Variants in TSPEAR observed in about 807,000 individuals in gnomAD.
TSPEAR encodes the protein thrombospondin-type laminin G domain and EAR repeat-containing protein.
Under a neutral mutation model 71.6 loss-of-function variants are expected in TSPEAR, and 69 were observed. That is an observed-to-expected ratio of 0.96 (90% CI 0.79 to 1.18). The LOEUF (loss-of-function observed/expected upper bound fraction) is 1.18. Ranked by LOEUF, TSPEAR falls within the 50% of genes most tolerant of loss-of-function variation. The pLI is 0.00. For missense variants in TSPEAR, 971 were observed against 894.9 expected, an observed-to-expected ratio of 1.09 and a Z score of -1.09; for synonymous variants, 402 against 387.2, an observed-to-expected ratio of 1.04 and a Z score of -0.45.
chr21:44,646,419 CACTT>C (rs782235135), intron 1 of TSPEAR: 8 of 1,578,876 alleles, frequency 5.1e-6, no homozygotes, highest in South Asian at 3.6e-5. Flanking sequence ...CTCACACACT[CACTT>C]ACACCTCCCC....
intron 1 of TSPEAR, among the ~76,000 whole-genome samples, chr21:44,571,369 C>T (rs2053793815): frequency 6.6e-6 from 1 of 152,178 alleles, no homozygotes; most frequent in East Asian, 1.9e-4. Flanking sequence ...ACATTTCAGA[C>T]CAGATAACAC....
At chr21:44,697,800 G>T (rs377024369) in intron 1 of TSPEAR, 4 of 1,613,270 alleles carry the variant, frequency 2.5e-6, no homozygotes, top group Middle Eastern at 1.7e-4. Flanking sequence ...CTCCTCTGCC[G>T]CCCTGTGTGC....
rs587670215 is a variant in TSPEAR, at chr21:44,587,826, A to G, written c.83-19821T>C. ...CTGGGATAATTGGCAAGCCACATAT[A>G]GGAGAATGAAACTGGATCCTCATCT... On this transcript the variant is annotated intron_variant, in intron 1 of 11. Transcript: ENST00000323084. 2.0e-4 allele frequency among the ~76,000 whole-genome samples: 30 copies of G among 152,378 alleles called. No individual in the cohort carries two copies. The South Asian group carries it at 2.9e-3, about 15-fold the overall frequency.
chr21:44,540,066 G>A, intron 2 of TSPEAR: 2 of 1,613,422 alleles, frequency 1.2e-6, no homozygotes, highest in Non-Finnish European at 8.5e-7. Flanking sequence ...CAGCAGTGGG[G>A]CTCACAGCAG....
chr21:44,636,816 T>C (rs1555936768), intron 1 of TSPEAR, among the ~76,000 whole-genome samples: 2 of 152,212 alleles, frequency 1.3e-5, no homozygotes, highest in African/African-American at 4.8e-5. Context: ...ATGAGCTGAC[T>C]GTCCAGAGGC....
intron 1 of TSPEAR, among the ~76,000 whole-genome samples, chr21:44,598,644 C>G (rs1980532388): frequency 6.6e-6 from 1 of 152,188 alleles, no homozygotes; most frequent in African/African-American, 2.4e-5. Context: ...AATGCTGAAA[C>G]CTTAGAAAAC....
intron 1 of TSPEAR, among the ~76,000 whole-genome samples, chr21:44,630,075 C>T (rs1983170166): frequency 6.6e-6 from 1 of 152,168 alleles, no homozygotes; most frequent in Admixed American, 6.5e-5. Flanking sequence ...GTGATAGAAA[C>T]CAACTCAGGA....
At chr21:44,595,922 G>A (rs1555927565) in intron 1 of TSPEAR, among the ~76,000 whole-genome samples, 1 of 152,126 alleles carries the variant, frequency 6.6e-6, no homozygotes, top group African/African-American at 2.4e-5. Flanking sequence ...ATTCCATGTG[G>A]TCTGTGTGTT....
chr21:44,626,058 T>C (rs1982755398), intron 1 of TSPEAR, among the ~76,000 whole-genome samples: 1 of 152,240 alleles, frequency 6.6e-6, no homozygotes, highest in African/African-American at 2.4e-5. Flanking sequence ...ATTTTTAGAA[T>C]GAGAGGCCGT....
At chr21:44,692,703 T>G (rs1858414967) in intron 1 of TSPEAR, among the ~76,000 whole-genome samples, 1 of 152,072 alleles carries the variant, frequency 6.6e-6, no homozygotes, top group African/African-American at 2.4e-5. Flanking sequence ...GCTGAAAGAA[T>G]TAAAGAAGAC....
chr21:44,560,569 A>G (rs2053617539), intron 2 of TSPEAR, among the ~76,000 whole-genome samples: 1 of 152,232 alleles, frequency 6.6e-6, no homozygotes, highest in African/African-American at 2.4e-5. Flanking sequence ...TCTAAAATTG[A>G]CTTTATAATT....
At position 44,612,437 on chromosome 21, in the gene TSPEAR, C is replaced by A. The variant is rs782488882; in HGVS notation, c.83-44432G>T. The stretch of plus-strand genomic sequence containing the variant: ...CCAGCCGGCTTGCTGCACCTCCTCC[C>A]CCTGCCAACAGGCCTGCTGTGTGCC... On this transcript the variant is annotated intron_variant, in intron 1 of 11. Coordinates refer to ENST00000323084, the MANE Select transcript of TSPEAR (RefSeq NM_144991.3). This position sits in a 1 kb window ranked among gnomAD's most constrained non-coding sequence, Gnocchi z 4.1. 2 of 1,611,814 alleles carry A rather than the reference C, an allele frequency of 1.2e-6. No individual in the cohort carries two copies. Among genetic ancestry groups the A allele is most frequent in the South Asian group, 2.2e-5 (2 of 90,970 alleles).
rs895140576 is a variant in TSPEAR, at chr21:44,506,332, G to A, written c.1755-1451C>T. Among the ~76,000 whole-genome samples the A allele has an allele frequency of 6.6e-6, 1 of 152,264 alleles. No individual in the cohort carries two copies. The highest frequency in any genetic ancestry group is 1.5e-5 in the Non-Finnish European group (1 of 68,044). ...ATCTCAAGATGAGGAAATGGAGGTCGAAGCCATGCACACGCAGGCGTCCTG... is the reference window on the plus strand; with the variant it reads ...ATCTCAAGATGAGGAAATGGAGGTCAAAGCCATGCACACGCAGGCGTCCTG... On this transcript the variant is annotated intron_variant, in intron 10 of 11. Transcript: ENST00000323084. This position sits in a 1 kb window ranked among gnomAD's most constrained non-coding sequence, Gnocchi z 4.2.
intron 1 of TSPEAR, among the ~76,000 whole-genome samples, chr21:44,652,046 C>T (rs1245926856): frequency 2.0e-5 from 3 of 147,086 alleles, no homozygotes; most frequent in East Asian, 4.0e-4. Context: ...TGCAGTGGCG[C>T]GATCTCGGCT....
At chr21:44,574,544 C>T in intron 1 of TSPEAR, 2 of 1,609,386 alleles carry the variant, frequency 1.2e-6, no homozygotes, top group Non-Finnish European at 1.7e-6. Context: ...CTTGCTGCAC[C>T]TCCTCTCCCT....
chr21:44,692,618 C>G (rs1987166622), intron 1 of TSPEAR, among the ~76,000 whole-genome samples: 1 of 151,964 alleles, frequency 6.6e-6, no homozygotes, highest in Admixed American at 6.5e-5. Context: ...CAATGGCATC[C>G]AAAAGAATAA....
chr21:44,548,516 G>A (rs1336607262), intron 2 of TSPEAR, among the ~76,000 whole-genome samples: 1 of 152,232 alleles, frequency 6.6e-6, no homozygotes, highest in African/African-American at 2.4e-5. Flanking sequence ...CCAGGACAGT[G>A]TGGGACCACG....
chr21:44,646,427 C>CGT (rs782007004), intron 1 of TSPEAR: 2 of 1,581,352 alleles, frequency 1.3e-6, no homozygotes, highest in African/African-American at 2.7e-5. Context: ...CTCACTTACA[C>CGT]CTCCCCCAGC....
At chr21:44,606,777 A>G (rs368500613) in intron 1 of TSPEAR, among the ~76,000 whole-genome samples, 1 of 152,216 alleles carries the variant, frequency 6.6e-6, no homozygotes, top group East Asian at 1.9e-4. Flanking sequence ...GCACAGAAAG[A>G]CAAATGGCAT....
Sources: allele counts gnomAD v4.1 joint callset (sites outside exome capture counted in the v4.1 genomes callset), GRCh38; gene constraint gnomAD v4.1.1; non-coding constraint Gnocchi (gnomAD v3.1); transcripts MANE v1.5; gene names NCBI Gene and HGNC (gene_info 2026-07-23, HGNC 2026-07-21).